The following CNTLN variants were observed in gnomAD, a reference collection of about 807,000 sequenced individuals.
CNTLN encodes centlein, centrosomal protein.
A neutral mutation model predicts 180.0 loss-of-function variants in CNTLN; 212 were observed. That is an observed-to-expected ratio of 1.18 (90% CI 1.05 to 1.32). CNTLN has a LOEUF of 1.32. Ranked by LOEUF, CNTLN falls within the 40% of genes most tolerant of loss-of-function variation. The probability of loss-of-function intolerance (pLI) is 0.00; values close to 1 mark genes in which losing one functional copy is unlikely to be tolerated. For synonymous variants in CNTLN, 722 were observed against 563.1 expected (o/e 1.28, Z -3.99); for missense variants, 2,095 against 1,610.9 (o/e 1.30, Z -5.14).
At chr9:17,146,206 A>G (rs893177944) in intron 2 of CNTLN, among the ~76,000 whole-genome samples, 7 of 152,064 alleles carry the variant, frequency 4.6e-5, no homozygotes, top group African/African-American at 1.7e-4. Flanking sequence ...AAATGTTCTC[A>G]TATTTTTTCT....
chr9:17,515,538 T>G, the CNTLN span, among the ~76,000 whole-genome samples: 2 of 152,148 alleles, frequency 1.3e-5, no homozygotes, highest in African/African-American at 4.8e-5. Flanking sequence ...AGAGCTGAAT[T>G]TGTGCTGCAT....
chr9:17,261,320 C>T (rs536828711), intron 5 of CNTLN, among the ~76,000 whole-genome samples: 1 of 151,350 alleles, frequency 6.6e-6, no homozygotes, highest in Non-Finnish European at 1.5e-5. Flanking sequence ...GCATATTTTT[C>T]AATTGGTTTG....
At chr9:17,402,278 C>G (rs1349134418) in intron 15 of CNTLN, among the ~76,000 whole-genome samples, 10 of 151,800 alleles carry the variant, frequency 6.6e-5, no homozygotes, top group Admixed American at 6.6e-4. Context: ...AGGATAGCAT[C>G]TACAATAGAA....
intron 6 of CNTLN, among the ~76,000 whole-genome samples, chr9:17,285,622 C>T (rs1828935942): frequency 1.7e-5 from 2 of 114,598 alleles, no homozygotes; most frequent in African/African-American, 7.9e-5. Context: ...GTCCCACCAA[C>T]AGTGTAAAAG....
At chr9:17,376,552 C>T (rs1295546778) in intron 13 of CNTLN, among the ~76,000 whole-genome samples, 2 of 151,776 alleles carry the variant, frequency 1.3e-5, no homozygotes, top group South Asian at 2.1e-4. Context: ...CCCGGGTTCA[C>T]GCCGTTCTCC....
At chr9:17,494,008 GAT>G (rs1250917742) in intron 25 of CNTLN, among the ~76,000 whole-genome samples, 2 of 152,122 alleles carry the variant, frequency 1.3e-5, no homozygotes, top group African/African-American at 4.8e-5. Flanking sequence ...TCAACTATAA[GAT>G]AGAAAGAATA....
chr9:17,160,984 C>G (rs1488520683), intron 2 of CNTLN, among the ~76,000 whole-genome samples: 1 of 151,984 alleles, frequency 6.6e-6, no homozygotes, highest in African/African-American at 2.4e-5. Flanking sequence ...AGAATACTCT[C>G]TAATAGGAAA....
chr9:17,387,990 G>A (rs575626768), intron 13 of CNTLN, among the ~76,000 whole-genome samples, 172 bp from the exon 14 acceptor site: 5 of 147,014 alleles, frequency 3.4e-5, no homozygotes, highest in South Asian at 2.1e-4. Flanking sequence ...ACATAATTAT[G>A]TTGCTAAAAA....
intron 2 of CNTLN, among the ~76,000 whole-genome samples, chr9:17,180,388 C>G (rs898759211): frequency 2.7e-5 from 4 of 146,154 alleles, no homozygotes; most frequent in South Asian, 2.2e-4. Context: ...ATATACATAA[C>G]TTAGCACAGT....
At chr9:17,434,760 T>A (rs1829659551) in intron 18 of CNTLN, among the ~76,000 whole-genome samples, 1 of 152,128 alleles carries the variant, frequency 6.6e-6, no homozygotes, top group Non-Finnish European at 1.5e-5. Context: ...TACTTTTTTT[T>A]AAGTATATAG....
intron 5 of CNTLN, among the ~76,000 whole-genome samples, chr9:17,243,692 G>C (rs995968006): frequency 2.0e-5 from 3 of 152,070 alleles, no homozygotes; most frequent in African/African-American, 7.2e-5. Context: ...TATAATTTTA[G>C]TTCTTTGAAT....
the CNTLN span, among the ~76,000 whole-genome samples, chr9:17,518,036 CTTTTTTTTTT>C: frequency 2.9e-5 from 2 of 69,244 alleles, no homozygotes; most frequent in African/African-American, 1.2e-4. Context: ...TTTTCTTTTC[CTTTTTTTTTT>C]TTTTTTTTTT....
chr9:17,278,285 CT>C (rs1354781455), intron 6 of CNTLN, among the ~76,000 whole-genome samples: 1 of 150,984 alleles, frequency 6.6e-6, no homozygotes, highest in Non-Finnish European at 1.5e-5. Flanking sequence ...AGTTACTACT[CT>C]TTTTCAGAAC....
At chr9:17,521,439 G>A in the CNTLN span, among the ~76,000 whole-genome samples, 1 of 152,190 alleles carries the variant, frequency 6.6e-6, no homozygotes, top group Non-Finnish European at 1.5e-5. Flanking sequence ...TCTAGAAAAG[G>A]ACGACTAGCA....
At chr9:17,241,327 G>T (rs995337118) in intron 5 of CNTLN, among the ~76,000 whole-genome samples, 1 of 152,102 alleles carries the variant, frequency 6.6e-6, no homozygotes, top group Non-Finnish European at 1.5e-5. Context: ...CTTCCCAAAG[G>T]TATTTTCTTG....
chr9:17,429,196 T>C (rs1281162597), intron 18 of CNTLN, among the ~76,000 whole-genome samples: 2 of 152,058 alleles, frequency 1.3e-5, no homozygotes, highest in East Asian at 1.9e-4. Flanking sequence ...AGCAGATTCA[T>C]AGTAGCAACA....
intron 12 of CNTLN, among the ~76,000 whole-genome samples, chr9:17,362,918 G>A (rs186955057): frequency 6.6e-6 from 1 of 152,082 alleles, no homozygotes; most frequent in Admixed American, 6.5e-5. Context: ...GCCCCAGTGT[G>A]TGATGTTTCC....
Position 17,320,657 on chromosome 9 carries a change from C to T in CNTLN, c.1342-9975C>T, listed in dbSNP as rs1460836103. 2.0e-5 allele frequency among the ~76,000 whole-genome samples: 3 copies of T among 152,198 alleles called. No homozygotes were observed. The East Asian group carries it at 5.8e-4, about 29-fold the overall frequency. ...AGCTGGGATTACAGGCACGAGCCTC[C>T]ACACCTGGCTAGTTTTTGTATTTTT... On this transcript the variant is annotated intron_variant, in intron 8 of 25. Transcript: ENST00000380647.
At chr9:17,161,684 G>C (rs7025329) in intron 2 of CNTLN, among the ~76,000 whole-genome samples, 3,033 of 152,248 alleles carry the variant, frequency 0.02, 65 homozygotes, top group African/African-American at 0.053. Context: ...AGTAAAGCAA[G>C]AACAACTGCT....
Sources: gnomAD v4.1 joint callset for allele counts (sites outside exome capture counted in the v4.1 genomes callset) on GRCh38, gnomAD v4.1.1 for gene constraint, MANE v1.5 for transcripts, NCBI Gene and HGNC (gene_info 2026-07-23, HGNC 2026-07-21) for gene names.